Variants in FSTL4 observed in about 807,000 individuals in gnomAD.
FSTL4 encodes the protein follistatin-related protein 4.
A neutral mutation model predicts 78.2 loss-of-function variants in FSTL4; 28 were observed. The ratio of observed to expected loss-of-function variants is 0.36; its 90% CI spans 0.27 to 0.49. The LOEUF (loss-of-function observed/expected upper bound fraction) is 0.49, where lower values mean the gene tolerates loss of function less well. Among genes scored for constraint, FSTL4 ranks in the 20% least tolerant of loss-of-function variants. FSTL4 has a pLI of 0.98. For missense variants in FSTL4, 922 were observed against 1,084.9 expected (o/e 0.85, Z 2.11); for synonymous variants, 422 against 440.5 (o/e 0.96, Z 0.53).
chr5:133,840,404 G>C, the FSTL4 span, among the ~76,000 whole-genome samples: 1 of 152,200 alleles, frequency 6.6e-6, no homozygotes, highest in African/African-American at 2.4e-5. Flanking sequence ...TTTAGTGAGA[G>C]CTGTAATTAA....
rs895282278 is a variant in FSTL4, at chr5:133,307,320, G to A, written c.727+5334C>T. Among the ~76,000 whole-genome samples the A allele has an allele frequency of 4.6e-5, 7 of 152,182 alleles. 1 individual carries two copies. The highest frequency in any genetic ancestry group is 1.0e-4 in the Non-Finnish European group (7 of 68,038). Reference sequence around the variant, plus strand: ...CATTGAGTTGGGGCTTGAAGTTTAGGGAAATCACTGTGAGGACAGTGAGAT... The same window carrying A: ...CATTGAGTTGGGGCTTGAAGTTTAGAGAAATCACTGTGAGGACAGTGAGAT... On this transcript the variant is annotated intron_variant, in intron 6 of 15. Transcript: ENST00000265342.
chr5:133,563,865 T>A (rs1374586897), intron 3 of FSTL4, among the ~76,000 whole-genome samples: 1 of 152,218 alleles, frequency 6.6e-6, no homozygotes, highest in Non-Finnish European at 1.5e-5. Context: ...ATCATCATCA[T>A]CAACAACAAT....
chr5:133,217,905 C>T (rs1037145600), intron 12 of FSTL4, among the ~76,000 whole-genome samples: 2 of 152,140 alleles, frequency 1.3e-5, no homozygotes, highest in African/African-American at 4.8e-5. Flanking sequence ...GTGTGCTGAT[C>T]TCTATATGCT....
At chr5:133,694,573 A>C in the FSTL4 span, among the ~76,000 whole-genome samples, 4 of 152,362 alleles carry the variant, frequency 2.6e-5, no homozygotes, top group East Asian at 5.8e-4. Flanking sequence ...CCACATACAC[A>C]CATAAGCATG....
At chr5:133,368,596 A>T (rs1424369924) in intron 4 of FSTL4, among the ~76,000 whole-genome samples, 2 of 152,240 alleles carry the variant, frequency 1.3e-5, no homozygotes, top group Non-Finnish European at 2.9e-5. Flanking sequence ...GTAGAAACTA[A>T]GGTCCAAAGA....
intron 4 of FSTL4, among the ~76,000 whole-genome samples, chr5:133,380,427 A>C (rs1306604406): frequency 6.6e-6 from 1 of 152,142 alleles, no homozygotes; most frequent in African/African-American, 2.4e-5. Flanking sequence ...CCAATAAATT[A>C]GACAACTTTG....
chr5:133,413,580 A>G (rs1231548610), intron 3 of FSTL4, among the ~76,000 whole-genome samples: 1 of 152,186 alleles, frequency 6.6e-6, no homozygotes, highest in East Asian at 1.9e-4. Context: ...TCTATCTTTC[A>G]TCAGTTCTTG....
At chr5:133,460,526 T>C (rs1198753945) in intron 3 of FSTL4, among the ~76,000 whole-genome samples, 1 of 152,246 alleles carries the variant, frequency 6.6e-6, no homozygotes, top group East Asian at 1.9e-4. Context: ...TCCAGGGCTC[T>C]ATTCCTAGAG....
chr5:133,407,019 T>C (rs1756380192), intron 3 of FSTL4, among the ~76,000 whole-genome samples: 1 of 152,208 alleles, frequency 6.6e-6, no homozygotes, highest in Non-Finnish European at 1.5e-5. Context: ...AACTCATGCC[T>C]GGAGGATCTA....
intron 3 of FSTL4, among the ~76,000 whole-genome samples, chr5:133,409,434 T>G (rs1203255089): frequency 6.6e-6 from 1 of 152,206 alleles, no homozygotes; most frequent in Admixed American, 6.5e-5. Flanking sequence ...CTGCTGTCTG[T>G]GACAATAGTG....
At chr5:133,430,548 G>A (rs1296458651) in intron 3 of FSTL4, among the ~76,000 whole-genome samples, 2 of 152,200 alleles carry the variant, frequency 1.3e-5, no homozygotes, top group African/African-American at 2.4e-5. Flanking sequence ...ACTAGCAAGA[G>A]AAGTGGAGGA....
chr5:133,762,543 A>C, the FSTL4 span, among the ~76,000 whole-genome samples: 1 of 152,236 alleles, frequency 6.6e-6, no homozygotes, highest in African/African-American at 2.4e-5. Context: ...AGAATCAAAA[A>C]AGCCAAATCA....
intron 3 of FSTL4, among the ~76,000 whole-genome samples, chr5:133,484,751 A>G (rs546308297): frequency 6.6e-6 from 1 of 152,338 alleles, no homozygotes; most frequent in South Asian, 2.1e-4. Context: ...AGGACACTTG[A>G]AATGTAGCCA....
At chr5:133,838,698 C>T in the FSTL4 span, among the ~76,000 whole-genome samples, 1 of 152,162 alleles carries the variant, frequency 6.6e-6, no homozygotes, top group Non-Finnish European at 1.5e-5. Context: ...TGGCTCAGGG[C>T]TACCAAAAGC....
At chr5:133,379,904 A>C (rs1029238142) in intron 4 of FSTL4, among the ~76,000 whole-genome samples, 1 of 151,904 alleles carries the variant, frequency 6.6e-6, no homozygotes, top group African/African-American at 2.4e-5. Context: ...GTGAAACCTC[A>C]TCTCTACTAA....
At chr5:133,425,864 G>A (rs1007910917) in intron 3 of FSTL4, among the ~76,000 whole-genome samples, 8 of 152,338 alleles carry the variant, frequency 5.3e-5, no homozygotes, top group South Asian at 4.1e-4. Flanking sequence ...GCCAAGTGGC[G>A]GAAGAAATCC....
intron 3 of FSTL4, among the ~76,000 whole-genome samples, chr5:133,446,705 A>T (rs1208857493): frequency 2.0e-5 from 3 of 152,150 alleles, no homozygotes; most frequent in Non-Finnish European, 2.9e-5. Flanking sequence ...GCCCCCTCCC[A>T]AAGTCTACAG....
chr5:133,766,060 G>A, the FSTL4 span, among the ~76,000 whole-genome samples: 2 of 152,142 alleles, frequency 1.3e-5, no homozygotes, highest in African/African-American at 2.4e-5. Context: ...CCATAAGGAG[G>A]AGTGACTTTG....
At chr5:133,597,890 G>A (rs1760770520) in intron 2 of FSTL4, among the ~76,000 whole-genome samples, 1 of 152,164 alleles carries the variant, frequency 6.6e-6, no homozygotes, top group African/African-American at 2.4e-5. Flanking sequence ...TTGGTCCTTG[G>A]AGCAGGGGGT....
Sources: allele counts gnomAD v4.1 joint callset (sites outside exome capture counted in the v4.1 genomes callset), GRCh38; gene constraint gnomAD v4.1.1; transcripts MANE v1.5; gene names NCBI Gene and HGNC (gene_info 2026-07-23, HGNC 2026-07-21).